CLCA2: variants seen among roughly 807,000 people sequenced by gnomAD.
CLCA2 encodes calcium-activated chloride channel regulator 2.
A neutral mutation model predicts 82.9 loss-of-function variants in CLCA2; 85 were observed. That is an observed-to-expected ratio of 1.03 (90% CI 0.86 to 1.23). The LOEUF (loss-of-function observed/expected upper bound fraction) is 1.23. CLCA2 is among the 50% of genes most tolerant of loss of function. CLCA2 has a pLI of 0.00. For synonymous variants in CLCA2, 421 were observed against 391.7 expected, an observed-to-expected ratio of 1.07 and a Z score of -0.88; for missense variants, 1,089 against 1,124.8, an observed-to-expected ratio of 0.97 and a Z score of 0.45.
chr1:86,424,532 T>C, intron 1 of CLCA2, 99 bp downstream of exon 1: 2 of 973,980 alleles, frequency 2.1e-6, no homozygotes, highest in Non-Finnish European at 2.9e-6. Context: ...ATTTGAGTAA[T>C]ACAGAGAACA....
intron 11 of CLCA2, among the ~76,000 whole-genome samples, chr1:86,449,762 G>A (rs1490452105): frequency 6.6e-6 from 1 of 152,094 alleles, no homozygotes; most frequent in East Asian, 1.9e-4. Context: ...GCCCACTATG[G>A]CCACCTGTAC....
chr1:86,441,378 T>A, intron 8 of CLCA2, 59 bp from the exon 9 acceptor site: 1 of 1,022,500 alleles, frequency 9.8e-7, no homozygotes, highest in Non-Finnish European at 1.4e-6. Context: ...AGGCTTAACA[T>A]TTTATTTTTG....
chr1:86,427,559 C>T (rs1221575610), intron 2 of CLCA2, among the ~76,000 whole-genome samples: 1 of 151,688 alleles, frequency 6.6e-6, no homozygotes, highest in Non-Finnish European at 1.5e-5. Context: ...CACACACACA[C>T]ACACACACAC....
chr1:86,449,787 T>A (rs1662925341), intron 11 of CLCA2, among the ~76,000 whole-genome samples: 1 of 152,190 alleles, frequency 6.6e-6, no homozygotes, highest in African/African-American at 2.4e-5. Flanking sequence ...ATGGCAAAAG[T>A]GATCTATACT....
At chr1:86,449,280 A>AT (rs1195611281) in intron 11 of CLCA2, among the ~76,000 whole-genome samples, 1 of 152,218 alleles carries the variant, frequency 6.6e-6, no homozygotes, top group African/African-American at 2.4e-5. Context: ...AGTTATCTCC[A>AT]TTTTATAGAT....
In CLCA2 at chr1:86,431,927, T is replaced by A. The variant is rs193156145; in HGVS notation, c.585-442T>A. 8.5e-5 allele frequency among the ~76,000 whole-genome samples: 13 copies of A among 152,198 alleles called. No individual in the cohort carries two copies. The East Asian group carries it at 2.5e-3, about 29-fold the overall frequency. ...AGCAGTTTTTTGTTTGTTTTTGTTG[T>A]TTGTTTGTTTTTTTGTTTGTTTTTT... On this transcript the variant is annotated intron_variant, in intron 4 of 13. Transcript: ENST00000370565.
chr1:86,450,438 G>A (rs1662937640), intron 11 of CLCA2, 125 bp from the exon 12 acceptor site: 1 of 663,412 alleles, frequency 1.5e-6, no homozygotes, highest in African/African-American at 1.9e-5. Flanking sequence ...GTAAAAAGTA[G>A]ATAAGAGCAT....
chr1:86,431,751 G>A (rs887820542), intron 4 of CLCA2, among the ~76,000 whole-genome samples: 1 of 152,118 alleles, frequency 6.6e-6, no homozygotes, highest in African/African-American at 2.4e-5. Context: ...CCTTCCTTGG[G>A]CTTCCCAAAG....
At chr1:86,434,456 T>C (rs536500877) in intron 5 of CLCA2, 62 bp from the exon 6 acceptor site, 1 of 1,368,758 alleles carries the variant, frequency 7.3e-7, no homozygotes. Context: ...TCCTTGAGAA[T>C]GAGAACTATG....
intron 7 of CLCA2, among the ~76,000 whole-genome samples, chr1:86,439,684 T>C (rs1662683543): frequency 6.6e-6 from 1 of 152,176 alleles, no homozygotes; most frequent in South Asian, 2.1e-4. Flanking sequence ...TGGCTATCTA[T>C]TGAAATCACC....
In CLCA2 at chr1:86,455,343, A is replaced by G; in HGVS notation, c.2648A>G (p.Gln883Arg). ...SLQSAVSNIA[Q>R]APLFIPPNSD... ...CAGTCTGCTGTATCTAACATTGCCC[A>G]GGCGCCTCTGTTTATTCCCCCCAAT... is the stretch of plus-strand genomic sequence containing the variant. The change falls in exon 14 of 14, where the codon CAG (glutamine) becomes CGG (arginine). Residue 883 changes from glutamine to arginine, a missense_variant. By Grantham distance (43) the Gln-to-Arg change is conservative. Transcript: ENST00000370565. 1 of 1,612,666 alleles carries G rather than the reference A, an allele frequency of 6.2e-7. No homozygotes were observed. Among genetic ancestry groups the G allele is most frequent in the Non-Finnish European group, 8.5e-7 (1 of 1,179,494 alleles).
chr1:86,432,559 G>A lies in CLCA2; in HGVS notation c.744+31G>A, dbSNP rs181145896. 742 of 1,599,496 alleles carry A rather than the reference G, an allele frequency of 4.6e-4. 5 individuals are homozygous for A. In the African/African-American group the frequency reaches 9.0e-3, roughly 19 times the overall value. ...TATGCCCTTGGAATGACACACTCTT[G>A]CAGGATTCCTTCTCTTCCCATGTTT... On this transcript the variant is annotated intron_variant, in intron 5 of 13. Transcript: ENST00000370565.
chr1:86,438,031 A>G (rs1268700527), intron 6 of CLCA2, among the ~76,000 whole-genome samples: 1 of 152,184 alleles, frequency 6.6e-6, no homozygotes, highest in African/African-American at 2.4e-5. Flanking sequence ...TTCAAAGTGT[A>G]GAGTTGCCAT....
chr1:86,429,360 A>G (rs1476031145), intron 3 of CLCA2, among the ~76,000 whole-genome samples: 1 of 152,230 alleles, frequency 6.6e-6, no homozygotes, highest in Non-Finnish European at 1.5e-5. Flanking sequence ...AAACAAAAAG[A>G]GGTCTGAACT....
intron 4 of CLCA2, 96 bp from the exon 5 acceptor site, chr1:86,432,273 G>A: frequency 7.1e-7 from 1 of 1,417,364 alleles, no homozygotes; most frequent in Non-Finnish European, 9.7e-7. Context: ...ATATCTAGCA[G>A]GCTACAATCC....
intron 7 of CLCA2, 88 bp downstream of exon 7, chr1:86,439,194 T>C: frequency 8.3e-7 from 1 of 1,202,920 alleles, no homozygotes; most frequent in South Asian, 1.3e-5. Context: ...ATGGGCAGTT[T>C]GTTACAGGGT....
chr1:86,452,338 A>G (rs973220146), intron 12 of CLCA2, among the ~76,000 whole-genome samples: 1 of 152,068 alleles, frequency 6.6e-6, no homozygotes, highest in East Asian at 1.9e-4. Flanking sequence ...CCAAGCTGCT[A>G]TCTTCTCTCA....
At chr1:86,432,709 T>A (rs575392796) in intron 5 of CLCA2, among the ~76,000 whole-genome samples, 181 bp downstream of exon 5, 12 of 152,178 alleles carry the variant, frequency 7.9e-5, no homozygotes, top group Non-Finnish European at 1.5e-4. Context: ...ACCCAAATGA[T>A]ACCTTCAGGA....
intron 6 of CLCA2, among the ~76,000 whole-genome samples, chr1:86,438,442 G>A (rs942966009): frequency 2.0e-5 from 3 of 152,172 alleles, no homozygotes; most frequent in Non-Finnish European, 4.4e-5. Context: ...AATAGCAGAG[G>A]GTAGTGCCGG....
Sources: allele counts gnomAD v4.1 joint callset (sites outside exome capture counted in the v4.1 genomes callset), GRCh38; gene constraint gnomAD v4.1.1; transcripts MANE v1.5; gene names NCBI Gene and HGNC (gene_info 2026-07-23, HGNC 2026-07-21).